Variants in NCKAP5 observed in about 807,000 individuals in gnomAD.
NCKAP5 encodes the protein nck-associated protein 5.
In NCKAP5, 92 loss-of-function variants were observed where a neutral mutation model predicts 167.0. The ratio of observed to expected loss-of-function variants is 0.55; its 90% CI spans 0.47 to 0.66. The LOEUF (loss-of-function observed/expected upper bound fraction) is 0.66, where lower values mean the gene tolerates loss of function less well. NCKAP5 is among the 30% of genes least tolerant of loss of function. NCKAP5 has a pLI of 0.00. For synonymous variants in NCKAP5, 891 were observed against 877.4 expected, an observed-to-expected ratio of 1.02 and a Z score of -0.27; for missense variants, 2,378 against 2,315.0, an observed-to-expected ratio of 1.03 and a Z score of -0.56.
the NCKAP5 span, among the ~76,000 whole-genome samples, chr2:133,639,502 C>T: frequency 6.6e-6 from 1 of 152,170 alleles, no homozygotes; most frequent in Admixed American, 6.5e-5. Flanking sequence ...GTTTTCCAAA[C>T]TTCCAGGTTT....
upstream of NCKAP5, among the ~76,000 whole-genome samples, chr2:133,572,786 T>C (rs1249153282): frequency 1.3e-5 from 2 of 152,152 alleles, no homozygotes; most frequent in Admixed American, 1.3e-4. Flanking sequence ...TCAAACAAAC[T>C]GGCATGGTGT....
At chr2:133,637,476 CAAAAAAAAA>C in the NCKAP5 span, among the ~76,000 whole-genome samples, 53 of 31,676 alleles carry the variant, frequency 1.7e-3, 2 homozygotes, top group African/African-American at 7.5e-3. Context: ...TGGTATTTTC[CAAAAAAAAA>C]AAAAAAAAAA....
chr2:133,590,679 C>A, the NCKAP5 span, among the ~76,000 whole-genome samples: 1 of 152,110 alleles, frequency 6.6e-6, no homozygotes, highest in Non-Finnish European at 1.5e-5. Flanking sequence ...ATTCTCAGTT[C>A]GTTGAACTGT....
intron 5 of NCKAP5, among the ~76,000 whole-genome samples, chr2:133,176,821 T>C (rs2084482429): frequency 1.3e-5 from 2 of 152,214 alleles, no homozygotes; most frequent in Non-Finnish European, 2.9e-5. Context: ...ACAGTCTCTC[T>C]TGCAGGAATT....
At chr2:132,885,239 T>C (rs570687687) in intron 8 of NCKAP5, among the ~76,000 whole-genome samples, 1 of 151,134 alleles carries the variant, frequency 6.6e-6, no homozygotes, top group South Asian at 2.1e-4. Flanking sequence ...TAACTAAATG[T>C]GATTTAAAGA....
intron 16 of NCKAP5, among the ~76,000 whole-genome samples, chr2:132,758,800 C>T (rs758813005): frequency 9.2e-5 from 14 of 152,070 alleles, no homozygotes; most frequent in African/African-American, 2.2e-4. Flanking sequence ...GGCACATAGA[C>T]GTGTTGCGTT....
intron 3 of NCKAP5, among the ~76,000 whole-genome samples, chr2:133,446,273 TAGA>T (rs1274230185): frequency 6.6e-6 from 1 of 152,162 alleles, no homozygotes; most frequent in Admixed American, 6.5e-5. Flanking sequence ...CTTCAGCAAG[TAGA>T]AGATTTGTTC....
intron 4 of NCKAP5, among the ~76,000 whole-genome samples, chr2:133,297,166 A>AGTGT (rs60321858): frequency 0.051 from 7,308 of 142,022 alleles, 194 homozygotes; most frequent in Middle Eastern, 0.093. Context: ...AGGTTGTCAC[A>AGTGT]GTGTGTGTGT....
chr2:133,035,167 A>G (rs1186600823), intron 6 of NCKAP5, among the ~76,000 whole-genome samples: 2 of 152,076 alleles, frequency 1.3e-5, no homozygotes, highest in African/African-American at 4.8e-5. Context: ...AAGAGACAAA[A>G]AAGTCACTGT....
intron 6 of NCKAP5, among the ~76,000 whole-genome samples, chr2:133,061,500 A>G (rs1040978842): frequency 1.3e-5 from 2 of 152,224 alleles, no homozygotes; most frequent in Non-Finnish European, 2.9e-5. Flanking sequence ...CTTATCATGT[A>G]CCATCGAACC....
chr2:132,934,303 T>G (rs1696675327), intron 8 of NCKAP5, among the ~76,000 whole-genome samples: 1 of 152,232 alleles, frequency 6.6e-6, no homozygotes, highest in African/African-American at 2.4e-5. Context: ...AAAATGTTCC[T>G]GGCTCATGCC....
chr2:133,216,418 C>T (rs2086431955), intron 4 of NCKAP5, among the ~76,000 whole-genome samples: 1 of 151,960 alleles, frequency 6.6e-6, no homozygotes, highest in Non-Finnish European at 1.5e-5. Context: ...AATAAATTAC[C>T]TATGTGTTCG....
intron 6 of NCKAP5, among the ~76,000 whole-genome samples, chr2:133,085,840 C>G (rs186114848): frequency 1.3e-5 from 2 of 152,156 alleles, no homozygotes; most frequent in African/African-American, 4.8e-5. Flanking sequence ...AAAACTAGAA[C>G]CAGATGTCAC....
At chr2:133,570,188 A>C (rs1688812373), upstream of NCKAP5, among the ~76,000 whole-genome samples, 1 of 152,200 alleles carries the variant, frequency 6.6e-6, no homozygotes, top group Non-Finnish European at 1.5e-5. Context: ...ATATGATGAG[A>C]GGAATTATAT....
intron 3 of NCKAP5, among the ~76,000 whole-genome samples, chr2:133,382,848 T>C (rs374224401): frequency 6.6e-6 from 1 of 152,232 alleles, no homozygotes; most frequent in Non-Finnish European, 1.5e-5. Context: ...GCAGGAGAGA[T>C]GCTAGAATCT....
intron 4 of NCKAP5, among the ~76,000 whole-genome samples, chr2:133,246,819 T>C (rs1003774057): frequency 5.3e-5 from 8 of 152,178 alleles, no homozygotes. Context: ...AATGAGGAGA[T>C]GCAGAATAAA....
intron 19 of NCKAP5, among the ~76,000 whole-genome samples, chr2:132,696,537 C>T (rs1687327123): frequency 1.3e-5 from 2 of 152,064 alleles, no homozygotes; most frequent in African/African-American, 4.8e-5. Flanking sequence ...CTCTTATGCC[C>T]ATTATAATGG....
chr2:132,931,442 G>C (rs967807381), intron 8 of NCKAP5: 1 of 152,084 alleles, frequency 6.6e-6, no homozygotes, highest in African/African-American at 2.4e-5. Flanking sequence ...TGATAGTGGG[G>C]GCTGCCCGAT....
intron 16 of NCKAP5, among the ~76,000 whole-genome samples, chr2:132,753,734 T>C (rs1680302356): frequency 6.6e-6 from 1 of 152,190 alleles, no homozygotes; most frequent in Non-Finnish European, 1.5e-5. Context: ...GTGCCCTCAT[T>C]GAGGTAGCCC....
Sources: gnomAD v4.1 joint callset for allele counts (sites outside exome capture counted in the v4.1 genomes callset) on GRCh38, gnomAD v4.1.1 for gene constraint, MANE v1.5 for transcripts, NCBI Gene and HGNC (gene_info 2026-07-23, HGNC 2026-07-21) for gene names.